Variants in ATP10A observed in about 807,000 individuals in gnomAD.
ATP10A encodes the protein ATPase phospholipid transporting 10A (putative), also known as phospholipid-transporting ATPase VA.
In ATP10A, 111 loss-of-function variants were observed where a neutral mutation model predicts 147.8. The ratio of observed to expected loss-of-function variants is 0.75; its 90% confidence interval spans 0.64 to 0.88. The LOEUF is 0.88. Ranked by LOEUF, ATP10A falls within the 40% of genes least tolerant of loss-of-function variation. ATP10A has a pLI of 0.00. For missense variants in ATP10A, 1,927 were observed against 1,959.0 expected (o/e 0.98, Z 0.31); for synonymous variants, 875 against 841.6 (o/e 1.04, Z -0.69).
chr15:25,836,111 C>A (rs953322826), intron 1 of ATP10A, among the ~76,000 whole-genome samples: 31 of 152,182 alleles, frequency 2.0e-4, no homozygotes, highest in African/African-American at 7.5e-4. Context: ...AAGCGCCTGG[C>A]CTAATTTTTC....
chr15:25,722,816 C>T (rs1345764146), intron 6 of ATP10A, among the ~76,000 whole-genome samples: 1 of 152,178 alleles, frequency 6.6e-6, no homozygotes, highest in Non-Finnish European at 1.5e-5. Flanking sequence ...GTAGTGACCC[C>T]ACTGCCCCCT....
chr15:25,726,878 C>G (rs1342302693), intron 4 of ATP10A, among the ~76,000 whole-genome samples: 3 of 141,092 alleles, frequency 2.1e-5, no homozygotes, highest in African/African-American at 7.9e-5. Flanking sequence ...GGTGAAATCC[C>G]GTATCTACTA....
intron 1 of ATP10A, among the ~76,000 whole-genome samples, chr15:25,783,888 C>T (rs924082882): frequency 1.3e-5 from 2 of 152,200 alleles, no homozygotes; most frequent in African/African-American, 4.8e-5. Context: ...GGTCCTCTGG[C>T]CATGCAGAGG....
Position 25,679,235 on chromosome 15 carries a change from G to A in ATP10A, c.*106C>T. On this transcript the variant is annotated 3_prime_UTR_variant, in exon 21 of 21. Coordinates refer to ENST00000555815, the MANE Select transcript of ATP10A (RefSeq NM_024490.4). ...ACCTCTTGTTTCCTGTATTAGCCTG[G>A]GAAACATTTAGAAATACATCTCCCT... 1.1e-6 allele frequency: 1 copy of A among 939,698 alleles called. No homozygotes were observed. The highest frequency in any genetic ancestry group is 1.4e-6 in the Non-Finnish European group (1 of 726,240). The allele number at this position is 939,698 out of a possible 1,614,324, so 58.2% of individuals were successfully genotyped here.
intron 2 of ATP10A, among the ~76,000 whole-genome samples, chr15:25,778,061 T>C (rs1889708975): frequency 6.6e-6 from 1 of 152,156 alleles, no homozygotes; most frequent in Admixed American, 6.6e-5. Flanking sequence ...GATTGAATCA[T>C]GTGTGGTTTC....
chr15:25,687,316 A>C (rs1899744595), intron 16 of ATP10A, among the ~76,000 whole-genome samples: 1 of 152,056 alleles, frequency 6.6e-6, no homozygotes, highest in Non-Finnish European at 1.5e-5. Flanking sequence ...CTATGGACAG[A>C]GTGGTTAGGA....
At chr15:25,857,173 C>G (rs1893555474) in intron 1 of ATP10A, among the ~76,000 whole-genome samples, 1 of 152,190 alleles carries the variant, frequency 6.6e-6, no homozygotes, top group Non-Finnish European at 1.5e-5. Flanking sequence ...GCTGGGCACA[C>G]TGGCTCAGGC....
chr15:25,718,851 C>T (rs1273479712), intron 7 of ATP10A, among the ~76,000 whole-genome samples: 1 of 152,054 alleles, frequency 6.6e-6, no homozygotes, highest in Admixed American at 6.5e-5. Context: ...ACCATCTGCT[C>T]CTGTCTGGAT....
chr15:25,683,852 G>A (rs564775939), intron 16 of ATP10A: 13 of 222,968 alleles, frequency 5.8e-5, no homozygotes, highest in Non-Finnish European at 1.1e-4. Flanking sequence ...AGGGCCAGTT[G>A]AGTATGAGCT....
chr15:25,696,421 G>A (rs1299253086), intron 13 of ATP10A, among the ~76,000 whole-genome samples: 4 of 152,218 alleles, frequency 2.6e-5, no homozygotes, highest in African/African-American at 9.6e-5. Flanking sequence ...AAGGCCTTGA[G>A]GAGAATGCAG....
chr15:25,788,328 G>A (rs1257070104), intron 1 of ATP10A, among the ~76,000 whole-genome samples: 4 of 152,210 alleles, frequency 2.6e-5, no homozygotes, highest in Non-Finnish European at 5.9e-5. Flanking sequence ...GTAAGACAGG[G>A]CGCCAGCCCA....
intron 1 of ATP10A, among the ~76,000 whole-genome samples, chr15:25,813,425 A>G (rs1469881063): frequency 1.3e-5 from 2 of 152,238 alleles, no homozygotes; most frequent in African/African-American, 2.4e-5. Context: ...AACAAAGCTC[A>G]AGAATATTTA....
At chr15:25,801,892 C>T (rs981035560) in intron 1 of ATP10A, among the ~76,000 whole-genome samples, 6 of 152,158 alleles carry the variant, frequency 3.9e-5, no homozygotes, top group South Asian at 2.1e-4. Flanking sequence ...CAGATCCAGG[C>T]GGTGAACAGC....
intron 5 of ATP10A, among the ~76,000 whole-genome samples, chr15:25,725,264 C>A (rs1042729474): frequency 1.3e-5 from 2 of 152,174 alleles, no homozygotes. Flanking sequence ...CTCTGCTACC[C>A]CTACATCCGT....
At chr15:25,842,713 T>C (rs1451341100) in intron 1 of ATP10A, among the ~76,000 whole-genome samples, 1 of 152,078 alleles carries the variant, frequency 6.6e-6, no homozygotes, top group Non-Finnish European at 1.5e-5. Flanking sequence ...TTTGACTCCA[T>C]AATCAAGCAG....
chr15:25,708,184 C>T lies in ATP10A; in HGVS notation c.2448+13G>A, dbSNP rs2140367382. The stretch of plus-strand genomic sequence containing the variant: ...ACCTGCACGTGCACCCTCGCGGAGA[C>T]ACCCCCACTCACTCTCTTGGCGATG... On this transcript the variant is annotated intron_variant, in intron 11 of 20. Coordinates refer to ENST00000555815, the MANE Select transcript of ATP10A (RefSeq NM_024490.4). The T allele has an allele frequency of 6.2e-7, 1 of 1,614,190 alleles. No homozygotes were observed. The highest frequency in any genetic ancestry group is 8.5e-7 in the Non-Finnish European group (1 of 1,179,996).
rs1596788490 is a variant in ATP10A at position 25,736,227 on chromosome 15, G to A, written c.655-86C>T. ...GCACTCGCTTTTCTGTCTCGCATCC[G>A]CGGCAGGCACATTTCACGGGGGAAG... is the stretch of plus-strand genomic sequence containing the variant. On this transcript the variant is annotated intron_variant, in intron 2 of 20. Coordinates refer to ENST00000555815, the MANE Select transcript of ATP10A (RefSeq NM_024490.4). The A allele has an allele frequency of 1.5e-5, 16 of 1,050,798 alleles. No homozygotes were observed. The East Asian group carries it at 2.3e-4, about 15-fold the overall frequency. The allele number at this position is 1,050,798 out of a possible 1,614,324, so 65.1% of individuals were successfully genotyped here.
chr15:25,772,512 T>A (rs952397529), intron 2 of ATP10A, among the ~76,000 whole-genome samples: 8 of 152,120 alleles, frequency 5.3e-5, no homozygotes, highest in African/African-American at 1.9e-4. Flanking sequence ...TGTCTGGTGG[T>A]CAAGAATCCA....
chr15:25,725,895 G>A, intron 5 of ATP10A, 56 bp downstream of exon 5: 1 of 1,551,266 alleles, frequency 6.4e-7, no homozygotes, highest in African/African-American at 1.3e-5. Flanking sequence ...TAGGATTACG[G>A]GCACGAGCCA....
Sources: allele counts gnomAD v4.1 joint callset (sites outside exome capture counted in the v4.1 genomes callset), GRCh38; gene constraint gnomAD v4.1.1; transcripts MANE v1.5; gene names NCBI Gene and HGNC (gene_info 2026-07-23, HGNC 2026-07-21).